C1D: variants seen among roughly 807,000 people sequenced by gnomAD.
C1D encodes the protein C1D nuclear receptor corepressor, also known as nuclear nucleic acid-binding protein C1D.
Under a neutral mutation model 17.5 loss-of-function variants are expected in C1D, and 10 were observed. The ratio of observed to expected loss-of-function variants is 0.57; its 90% confidence interval spans 0.35 to 0.97. C1D has a LOEUF of 0.97. C1D is among the 50% of genes least tolerant of loss of function. The probability of loss-of-function intolerance (pLI) is 0.01; values close to 1 mark genes in which losing one functional copy is unlikely to be tolerated. For missense variants in C1D, 136 were observed against 160.1 expected, an observed-to-expected ratio of 0.85 and a Z score of 0.81; for synonymous variants, 49 against 54.0, an observed-to-expected ratio of 0.91 and a Z score of 0.40.
chr2:68,053,930 C>G (rs1403968215), intron 1 of C1D, among the ~76,000 whole-genome samples: 1 of 151,050 alleles, frequency 6.6e-6, no homozygotes, highest in East Asian at 2.0e-4. Flanking sequence ...TGCATGCTCT[C>G]CTTCTATGCT....
intron 1 of C1D, among the ~76,000 whole-genome samples, chr2:68,061,916 C>G (rs1049629208): frequency 1.8e-4 from 27 of 152,136 alleles, no homozygotes; most frequent in Admixed American, 1.5e-3. Flanking sequence ...TTTGAAAAAC[C>G]GTTATTCACA....
chr2:68,046,651 G>T, intron 2 of C1D: 1 of 432,024 alleles, frequency 2.3e-6, no homozygotes, highest in Non-Finnish European at 4.1e-6. Context: ...AGTTAGACAA[G>T]GAAAGTGCAT....
chr2:68,058,567 G>C (rs1671505960), intron 1 of C1D, among the ~76,000 whole-genome samples: 1 of 152,156 alleles, frequency 6.6e-6, no homozygotes, highest in South Asian at 2.1e-4. Context: ...CACAGGGCTG[G>C]TAAGTGGTAA....
intron 2 of C1D, 146 bp downstream of exon 2, chr2:68,047,027 C>T (rs561450058): frequency 2.2e-4 from 141 of 632,428 alleles, no homozygotes; most frequent in Non-Finnish European, 3.3e-4. Flanking sequence ...TTTTGTTTCC[C>T]CCCTAAAAAT....
Position 68,045,987 on chromosome 2 carries a change from C to A in C1D, c.261+1G>T. On this transcript the variant is annotated splice_donor_variant, in intron 4 of 4. Transcript: ENST00000410067. LOFTEE classifies it high-confidence loss of function. The stretch of plus-strand genomic sequence containing the variant: ...AAAATAAAAAGAAATTAAAATCTTA[C>A]CAATTCCTGTTTTACTGGATGTTCC... The A allele has an allele frequency of 6.3e-7, 1 of 1,578,030 alleles. No homozygotes were observed. The highest frequency in any genetic ancestry group is 1.7e-4 in the Middle Eastern group (1 of 5,984).
intron 1 of C1D, among the ~76,000 whole-genome samples, chr2:68,057,742 A>C (rs1428313925): frequency 6.6e-6 from 1 of 152,186 alleles, no homozygotes; most frequent in Admixed American, 6.5e-5. Context: ...TACCAGATAA[A>C]AATGTCATTT....
chr2:68,051,110 G>A (rs908665363), intron 1 of C1D, among the ~76,000 whole-genome samples: 1 of 152,122 alleles, frequency 6.6e-6, no homozygotes, highest in Non-Finnish European at 1.5e-5. Flanking sequence ...CTTGCTTCTG[G>A]CCAAAGTCTA....
chr2:68,058,192 C>T (rs1671494439), intron 1 of C1D, among the ~76,000 whole-genome samples: 3 of 152,230 alleles, frequency 2.0e-5, no homozygotes, highest in Non-Finnish European at 4.4e-5. Flanking sequence ...ACACTAAGGA[C>T]TCTCTTATTC....
chr2:68,042,779 T>C lies in C1D; in HGVS notation c.*110A>G, dbSNP rs961065999. Reference sequence around the variant, plus strand: ...TTTACATATTTACTGTGAATTTACATATTAATAAGAAACACATTTAAACCT... The same window carrying C: ...TTTACATATTTACTGTGAATTTACACATTAATAAGAAACACATTTAAACCT... On this transcript the variant is annotated 3_prime_UTR_variant, in exon 5 of 5. Transcript: ENST00000410067. The C allele has an allele frequency of 2.1e-5, 12 of 559,602 alleles. No homozygotes were observed. The highest frequency in any genetic ancestry group is 1.9e-4 in the African/African-American group (9 of 46,396). The allele number at this position is 559,602 out of a possible 1,614,324, so 34.7% of individuals were successfully genotyped here. A position where few individuals can be genotyped will look rare whatever the true frequency, so the allele number is the denominator to read the frequency against.
chr2:68,048,161 G>C (rs1412086367), intron 1 of C1D, among the ~76,000 whole-genome samples: 2 of 152,102 alleles, frequency 1.3e-5, no homozygotes, highest in African/African-American at 2.4e-5. Flanking sequence ...ATTTGTGCTA[G>C]TGCATACTCT....
At chr2:68,050,578 C>G (rs895077138) in intron 1 of C1D, among the ~76,000 whole-genome samples, 1 of 152,168 alleles carries the variant, frequency 6.6e-6, no homozygotes, top group African/African-American at 2.4e-5. Flanking sequence ...TCTCCGTTTC[C>G]TTTCTATCTC....
At chr2:68,046,795 G>A (rs7605667) in intron 2 of C1D, among the ~76,000 whole-genome samples, 3 of 152,080 alleles carry the variant, frequency 2.0e-5, no homozygotes, top group East Asian at 3.9e-4. Flanking sequence ...TAGGCAATAC[G>A]AAAGACAGAA....
chr2:68,047,639 G>T (rs1194081600), intron 1 of C1D, among the ~76,000 whole-genome samples: 1 of 152,128 alleles, frequency 6.6e-6, no homozygotes, highest in East Asian at 1.9e-4. Context: ...ACCACTCACT[G>T]CAACTTCCGC....
intron 2 of C1D, among the ~76,000 whole-genome samples, chr2:68,046,835 C>CA (rs1005898505): frequency 3.3e-5 from 5 of 152,150 alleles, no homozygotes; most frequent in African/African-American, 9.6e-5. Context: ...TTTAGACTGT[C>CA]AAAGTCAATT....
At chr2:68,055,503 A>C (rs1671411361) in intron 1 of C1D, among the ~76,000 whole-genome samples, 1 of 152,184 alleles carries the variant, frequency 6.6e-6, no homozygotes, top group Non-Finnish European at 1.5e-5. Context: ...GGGAAGAAAG[A>C]CAGAGGAAGA....
chr2:68,047,633 C>T lies in C1D; in HGVS notation c.-9-314G>A, dbSNP rs1671167963. On this transcript the variant is annotated intron_variant, in intron 1 of 4. Transcript: ENST00000410067. ...GTCGCCCAGGATAGTGCAATCACCACTCACTGCAACTTCCGCCTGCTGGGC... is the reference window on the plus strand; with the variant it reads ...GTCGCCCAGGATAGTGCAATCACCATTCACTGCAACTTCCGCCTGCTGGGC... Among the ~76,000 whole-genome samples the T allele has an allele frequency of 3.9e-5, 6 of 152,170 alleles. 1 individual carries two copies. The highest frequency in any genetic ancestry group is 3.9e-4 in the Admixed American group (6 of 15,284).
chr2:68,049,976 T>TA (rs1447343128), intron 1 of C1D, among the ~76,000 whole-genome samples: 1 of 152,142 alleles, frequency 6.6e-6, no homozygotes, highest in Non-Finnish European at 1.5e-5. Context: ...TAGAAAGCAG[T>TA]AAAACAAATT....
intron 1 of C1D, among the ~76,000 whole-genome samples, chr2:68,057,359 G>T (rs1291771525): frequency 6.6e-6 from 1 of 150,744 alleles, no homozygotes; most frequent in African/African-American, 2.5e-5. Flanking sequence ...GTTTCACCAT[G>T]TTGGCCAGGC....
At chr2:68,045,874 T>G (rs1247504467) in intron 4 of C1D, 114 bp downstream of exon 4, 1 of 730,768 alleles carries the variant, frequency 1.4e-6, no homozygotes, top group African/African-American at 1.9e-5. Flanking sequence ...TCTGGCTCAC[T>G]TTCATAATTT....
Sources: allele counts gnomAD v4.1 joint callset (sites outside exome capture counted in the v4.1 genomes callset), GRCh38; gene constraint gnomAD v4.1.1; transcripts MANE v1.5; gene names NCBI Gene and HGNC (gene_info 2026-07-23, HGNC 2026-07-21).